Variants in ZNF254 observed in about 807,000 individuals in gnomAD.
ZNF254 encodes the protein zinc finger protein 254, also known as CTD-2017D11.1.
Under a neutral mutation model 12.4 loss-of-function variants are expected in ZNF254, and 10 were observed. That is an observed-to-expected ratio of 0.80 (90% confidence interval 0.50 to 1.36). ZNF254 has a LOEUF of 1.36. ZNF254 is among the 40% of genes most tolerant of loss of function. ZNF254 has a pLI of 0.00. For missense variants in ZNF254, 996 were observed against 763.9 expected (o/e 1.30, Z -3.58); for synonymous variants, 305 against 253.4 (o/e 1.20, Z -1.93).
intron 3 of ZNF254, among the ~76,000 whole-genome samples, chr19:24,114,919 A>T (rs1393579531): frequency 6.6e-6 from 1 of 152,258 alleles, no homozygotes; most frequent in African/African-American, 2.4e-5. Context: ...AAAACACATG[A>T]AAAAATGCTC....
In ZNF254 at chr19:24,129,765, A is replaced by G. The variant is rs1269320978; in HGVS notation, c.*1785A>G. The stretch of plus-strand genomic sequence containing the variant: ...TTACAATGTTATTGATTACAGGGTC[A>G]TTTTTATGGTCATAATAAAAAATTT... On this transcript the variant is annotated 3_prime_UTR_variant, in exon 4 of 4. Coordinates refer to ENST00000357002, the MANE Select transcript of ZNF254 (RefSeq NM_203282.4). 1.3e-5 allele frequency: 2 copies of G among 151,980 alleles called. No individual in the cohort carries two copies. The highest frequency in any genetic ancestry group is 2.4e-5 in the African/African-American group (1 of 41,424). 9.4% of individuals were successfully genotyped at this position (151,980 alleles called of 1,614,324 possible). A position where few individuals can be genotyped will look rare whatever the true frequency, so the allele number is the denominator to read the frequency against.
rs771857894 is a variant in ZNF254, at chr19:24,127,974, A to G, written c.1974A>G (p.Gln658=). Residue 658 remains glutamine (Q), a synonymous_variant, in exon 4 of 4, where the codon CAA becomes CAG. Transcript: ENST00000357002. The part of the protein sequence containing the change: ...DKITHWREIL[Q]V ...TAACTCATTGGAGAGAAATCTTACA[A>G]GTATGAATAATGTGCCAAAGCCTAA... The G allele has an allele frequency of 1.2e-5, 19 of 1,546,978 alleles. No individual in the cohort carries two copies. The South Asian group carries it at 2.3e-4, about 19-fold the overall frequency.
intron 2 of ZNF254, among the ~76,000 whole-genome samples, chr19:24,061,789 G>C (rs1454659220): frequency 1.3e-5 from 2 of 152,066 alleles, no homozygotes; most frequent in African/African-American, 4.8e-5. Flanking sequence ...TTAGAAAGAG[G>C]AGTAAAATTC....
chr19:24,078,383 GAAAAT>G (rs1168719624), intron 2 of ZNF254: 3 of 152,076 alleles, frequency 2.0e-5, no homozygotes, highest in Admixed American at 6.6e-5. Flanking sequence ...TAGGAATTTG[GAAAAT>G]AAAAGAATAT....
intron 2 of ZNF254, among the ~76,000 whole-genome samples, chr19:24,078,183 A>C (rs549188433): frequency 2.0e-5 from 3 of 152,174 alleles, no homozygotes; most frequent in Non-Finnish European, 4.4e-5. Flanking sequence ...AATTACAGGC[A>C]CATGCCACCA....
intron 1 of ZNF254, chr19:24,091,941 G>A (rs190572414): frequency 1.1e-4 from 55 of 520,326 alleles, no homozygotes; most frequent in South Asian, 3.4e-4. Flanking sequence ...GTGCAGAGGC[G>A]CAATCTCAGC....
intron 1 of ZNF254, among the ~76,000 whole-genome samples, chr19:24,038,745 C>T (rs1389930694): frequency 1.6e-4 from 25 of 152,174 alleles, no homozygotes; most frequent in Admixed American, 1.6e-3. Context: ...AATGGCCTTT[C>T]TTCGTATTTG....
At chr19:24,087,184 G>C, upstream of ZNF254, 4 of 1,271,322 alleles carry the variant, frequency 3.1e-6, no homozygotes, top group Non-Finnish European at 4.5e-6. Flanking sequence ...GGGATATGGC[G>C]GGGCCTTTGT....
intron 1 of ZNF254, among the ~76,000 whole-genome samples, chr19:24,044,117 G>A (rs942650128): frequency 6.6e-6 from 1 of 151,964 alleles, no homozygotes; most frequent in African/African-American, 2.4e-5. Context: ...GCAGGCGCCT[G>A]TAATCCTAGC....
chr19:24,085,779 A>C (rs1873807269), upstream of ZNF254, among the ~76,000 whole-genome samples: 2 of 151,934 alleles, frequency 1.3e-5, no homozygotes, highest in South Asian at 4.2e-4. Flanking sequence ...TGGAAATAAA[A>C]AAACAGTGTA....
intron 1 of ZNF254, among the ~76,000 whole-genome samples, chr19:24,039,674 A>T (rs1021601482): frequency 6.6e-6 from 1 of 152,238 alleles, no homozygotes; most frequent in Non-Finnish European, 1.5e-5. Context: ...TTAGAAAAAC[A>T]GGTGAAACAG....
rs150048621 is a variant in ZNF254 at position 24,127,895 on chromosome 19, G to T, written c.1895G>T (p.Trp632Leu). 1.9e-6 allele frequency: 3 copies of T among 1,612,138 alleles called. No homozygotes were observed. The highest frequency in any genetic ancestry group is 1.7e-5 in the Admixed American group (1 of 59,616). Reference protein sequence around the residue: ...RIHTGEQPYKWEKFGKAFNRS... With the variant: ...RIHTGEQPYKLEKFGKAFNRS... Reference sequence around the variant, plus strand: ...CATACTGGAGAGCAACCCTACAAATGGGAAAAATTTGGCAAAGCCTTTAAT... The same window carrying T: ...CATACTGGAGAGCAACCCTACAAATTGGAAAAATTTGGCAAAGCCTTTAAT... Residue 632 changes from tryptophan to leucine, a missense_variant, in exon 4 of 4, where the codon TGG becomes TTG. Trp to Leu is a moderately conservative substitution (Grantham distance 61). Coordinates refer to ENST00000357002, the MANE Select transcript of ZNF254 (RefSeq NM_203282.4).
chr19:24,064,044 A>G (rs1971179415), intron 2 of ZNF254: 1 of 152,154 alleles, frequency 6.6e-6, no homozygotes, highest in Non-Finnish European at 1.5e-5. Flanking sequence ...ACAGTGGTGT[A>G]ATTATTCTGC....
upstream of ZNF254, among the ~76,000 whole-genome samples, chr19:24,082,651 A>G (rs1049076991): frequency 6.0e-4 from 83 of 137,754 alleles, no homozygotes; most frequent in Non-Finnish European, 1.1e-3. Flanking sequence ...TTCCATCTCA[A>G]AAAAACAAAA....
In ZNF254 at chr19:24,069,452, T is replaced by A. The variant is rs146793288; in HGVS notation, c.-94+23173T>A. Among the ~76,000 whole-genome samples, 370 of 145,942 alleles carry A rather than the reference T, an allele frequency of 2.5e-3. 1 individual carries two copies. Among genetic ancestry groups the A allele is most frequent in the African/African-American group, 9.1e-3 (360 of 39,714 alleles). ...TGAAACCCCATCTCTACTAAAAATA[T>A]AAGAACTCTCCAGGCGTGGTGGCGG... On this transcript the variant is annotated intron_variant, in intron 2 of 4. Coordinates refer to the ZNF254 transcript ENST00000613065.
chr19:24,044,264 C>T (rs958509533), intron 1 of ZNF254, among the ~76,000 whole-genome samples: 3 of 149,960 alleles, frequency 2.0e-5, no homozygotes, highest in African/African-American at 4.9e-5. Context: ...ACAGGCTGGG[C>T]GCGGTGGCTC....
At chr19:24,054,584 C>T (rs1253410949) in intron 2 of ZNF254, among the ~76,000 whole-genome samples, 1 of 152,138 alleles carries the variant, frequency 6.6e-6, no homozygotes, top group African/African-American at 2.4e-5. Flanking sequence ...GCACACCTCA[C>T]CAATTATTAG....
Position 24,127,423 on chromosome 19 carries a change from T to A in ZNF254, c.1423T>A (p.Ser475Thr), listed in dbSNP as rs767510221. Reference sequence around the variant, plus strand: ...ATGTGGCAAGGCATTTATATGGTCCTCAACCCTAACTAGACATAAGAGGAT... The same window carrying A: ...ATGTGGCAAGGCATTTATATGGTCCACAACCCTAACTAGACATAAGAGGAT... ...EECGKAFIWS[S>T]TLTRHKRMHT... The change falls in exon 4 of 4, where the codon TCA (serine) becomes ACA (threonine). Residue 475 changes from serine (S) to threonine (T), a missense_variant. Physicochemically the swap from Ser to Thr is moderately conservative, Grantham distance 58 (BLOSUM62 1). Coordinates refer to ENST00000357002, the MANE Select transcript of ZNF254 (RefSeq NM_203282.4). 6.9e-5 allele frequency: 111 copies of A among 1,612,296 alleles called. No homozygotes were observed. The highest frequency in any genetic ancestry group is 9.3e-5 in the Non-Finnish European group (110 of 1,178,876).
intron 2 of ZNF254, among the ~76,000 whole-genome samples, chr19:24,055,610 A>C (rs1419760770): frequency 6.6e-6 from 1 of 152,106 alleles, no homozygotes; most frequent in Non-Finnish European, 1.5e-5. Context: ...ACACCCATCA[A>C]AAAGTATACA....
Sources: allele counts gnomAD v4.1 joint callset (sites outside exome capture counted in the v4.1 genomes callset), GRCh38; gene constraint gnomAD v4.1.1; transcripts MANE v1.5; gene names NCBI Gene and HGNC (gene_info 2026-07-23, HGNC 2026-07-21).